Variants in CMSS1 observed in about 807,000 individuals in gnomAD.
CMSS1 encodes the protein protein CMSS1.
A neutral mutation model predicts 43.5 loss-of-function variants in CMSS1; 33 were observed. That is an observed-to-expected ratio of 0.76 (90% CI 0.57 to 1.01). The LOEUF (loss-of-function observed/expected upper bound fraction) is 1.01. Among genes scored for constraint, CMSS1 ranks in the 50% least tolerant of loss-of-function variants. The pLI is 0.00. For synonymous variants in CMSS1, 115 were observed against 117.2 expected, an observed-to-expected ratio of 0.98 and a Z score of 0.12; for missense variants, 313 against 326.4, an observed-to-expected ratio of 0.96 and a Z score of 0.32.
At chr3:99,840,690 G>T (rs1943095651) in intron 1 of CMSS1, among the ~76,000 whole-genome samples, 1 of 152,160 alleles carries the variant, frequency 6.6e-6, no homozygotes, top group South Asian at 2.1e-4. Flanking sequence ...AAGGAGGGTG[G>T]CAAGACTTCA....
intron 1 of CMSS1, among the ~76,000 whole-genome samples, chr3:99,945,407 C>G (rs1365072211): frequency 6.6e-6 from 1 of 152,178 alleles, no homozygotes; most frequent in Non-Finnish European, 1.5e-5. Context: ...GGGGGTTCCA[C>G]CCACTGTGTG....
intron 1 of CMSS1, among the ~76,000 whole-genome samples, chr3:100,076,687 T>G (rs1273447108): frequency 3.3e-5 from 5 of 152,228 alleles, no homozygotes; most frequent in Non-Finnish European, 7.3e-5. Context: ...CAGGGATCCA[T>G]GAATATTGTT....
At chr3:100,104,612 C>T (rs895210828) in intron 1 of CMSS1, among the ~76,000 whole-genome samples, 21 of 152,186 alleles carry the variant, frequency 1.4e-4, no homozygotes, top group African/African-American at 4.3e-4. Context: ...CCAAGGCCTG[C>T]TTTGCATGCC....
intron 1 of CMSS1, among the ~76,000 whole-genome samples, chr3:99,932,745 G>T (rs1268395479): frequency 6.6e-6 from 1 of 152,104 alleles, no homozygotes; most frequent in African/African-American, 2.4e-5. Flanking sequence ...CAAAAAATTA[G>T]CCAGGTGTGG....
chr3:100,055,714 G>A (rs2065453377), intron 1 of CMSS1, among the ~76,000 whole-genome samples: 1 of 152,138 alleles, frequency 6.6e-6, no homozygotes, highest in Non-Finnish European at 1.5e-5. Flanking sequence ...ATTCTTGAGA[G>A]GAGAGTAATT....
chr3:99,830,274 T>C, intron 1 of CMSS1: 2 of 341,630 alleles, frequency 5.9e-6, no homozygotes, highest in Non-Finnish European at 1.2e-5. Flanking sequence ...GTGCTGCTTT[T>C]TGGGGGATGA....
chr3:99,854,083 AC>A (rs1943839757), intron 1 of CMSS1, among the ~76,000 whole-genome samples: 1 of 152,170 alleles, frequency 6.6e-6, no homozygotes, highest in Admixed American at 6.5e-5. Flanking sequence ...TGAATGGTCC[AC>A]CCTAAATCGT....
chr3:99,965,782 G>A (rs1708631876), intron 1 of CMSS1, among the ~76,000 whole-genome samples: 1 of 152,220 alleles, frequency 6.6e-6, no homozygotes, highest in African/African-American at 2.4e-5. Flanking sequence ...ATTAGGGGGA[G>A]GGTGTTAAAT....
At chr3:99,945,253 T>TC (rs1445201224) in intron 1 of CMSS1, among the ~76,000 whole-genome samples, 2 of 152,160 alleles carry the variant, frequency 1.3e-5, no homozygotes, top group Admixed American at 1.3e-4. Context: ...CTTTCCAAAG[T>TC]CCCACTCATC....
rs1185336356 is a variant in CMSS1 at position 100,051,905 on chromosome 3, AAT to A, written c.65-95065_65-95064del. On this transcript the variant is annotated intron_variant, in intron 1 of 9. Transcript: ENST00000421999. ...ATATTTTATATGTCATATATTTATTAATATGTGTTATTAAAATATATGTTTAT... is the reference window on the plus strand; with the variant it reads ...ATATTTTATATGTCATATATTTATTAATGTGTTATTAAAATATATGTTTAT... Among the ~76,000 whole-genome samples the A allele has an allele frequency of 3.9e-4, 58 of 148,618 alleles. 1 individual carries two copies. Among genetic ancestry groups the A allele is most frequent in the Admixed American group, 8.8e-4 (13 of 14,852 alleles).
At chr3:100,108,938 G>T (rs527273529) in intron 1 of CMSS1, among the ~76,000 whole-genome samples, 1 of 151,924 alleles carries the variant, frequency 6.6e-6, no homozygotes, top group South Asian at 2.1e-4. Context: ...GGCCAGTTTC[G>T]CAACATGGCA....
chr3:99,940,456 G>A (rs925956052), intron 1 of CMSS1, among the ~76,000 whole-genome samples: 15 of 152,014 alleles, frequency 9.9e-5, no homozygotes, highest in African/African-American at 2.2e-4. Flanking sequence ...ATTTTTGTCC[G>A]TTTGGACCTT....
chr3:100,180,942 G>C lies in CMSS1; in HGVS notation c.*2554G>C, dbSNP rs1360738323. 6.6e-6 allele frequency: 1 copy of C among 152,272 alleles called. No homozygotes were observed. Among genetic ancestry groups the C allele is most frequent in the Non-Finnish European group, 1.5e-5 (1 of 68,106 alleles). 9.4% of individuals were successfully genotyped at this position (152,272 alleles called of 1,614,324 possible). ...ACAGACTGTACAGGAGGATGGCTGGGGAGGCCTCAGGAAATTTACAATCAT... is the reference window on the plus strand; with the variant it reads ...ACAGACTGTACAGGAGGATGGCTGGCGAGGCCTCAGGAAATTTACAATCAT... On this transcript the variant is annotated 3_prime_UTR_variant, in exon 10 of 10. Transcript: ENST00000421999.
At chr3:100,065,994 C>T (rs1485659228) in intron 1 of CMSS1, among the ~76,000 whole-genome samples, 1 of 152,186 alleles carries the variant, frequency 6.6e-6, no homozygotes, top group East Asian at 1.9e-4. Flanking sequence ...TGCGACCCAG[C>T]AATATGTACT....
In CMSS1 at chr3:99,957,693, C is replaced by CTTTTTTTTTTTTTTTTTTTTTTTT. The variant is rs779350496; in HGVS notation, c.64+139655_64+139678dup. On this transcript the variant is annotated intron_variant, in intron 1 of 9. Coordinates refer to ENST00000421999, the MANE Select transcript of CMSS1 (RefSeq NM_032359.4). ...TTCTCCTTTTCTCTTTTCTTTCTTT[C>CTTTTTTTTTTTTTTTTTTTTTTTT]TTTTTTTTTTTTTTTTTTTTTTTTT... is the stretch of plus-strand genomic sequence containing the variant. Among the ~76,000 whole-genome samples, 103 of 19,904 alleles carry CTTTTTTTTTTTTTTTTTTTTTTTT rather than the reference C, an allele frequency of 5.2e-3. 29 individuals carry two copies. The highest frequency in any genetic ancestry group is 6.0e-3 in the African/African-American group (36 of 5,980). The allele number at this position is 19,904 out of a possible 152,430, so 13.1% of individuals were successfully genotyped here.
intron 1 of CMSS1, among the ~76,000 whole-genome samples, chr3:99,860,305 A>G (rs1316698129): frequency 2.6e-5 from 4 of 152,202 alleles, no homozygotes; most frequent in Non-Finnish European, 5.9e-5. Context: ...TAATCTTACT[A>G]GGCCCCCCAG....
chr3:100,154,935 G>A (rs999221713), intron 2 of CMSS1, among the ~76,000 whole-genome samples: 2 of 152,134 alleles, frequency 1.3e-5, no homozygotes, highest in Non-Finnish European at 2.9e-5. Context: ...TCATGATGCT[G>A]CACTCCAGCC....
rs192663724 is a variant in CMSS1 at position 99,883,131 on chromosome 3, T to A, written c.64+65088T>A. Among the ~76,000 whole-genome samples the A allele has an allele frequency of 4.6e-3, 696 of 152,350 alleles. 2 individuals are homozygous for A. The highest frequency in any genetic ancestry group is 7.0e-3 in the South Asian group (34 of 4,830). ...TTGTGTCTACGCTTAGATTGAATTA[T>A]CTCTCAAAACTTCAGTGTTTTATCT... On this transcript the variant is annotated intron_variant, in intron 1 of 9. Transcript: ENST00000421999.
chr3:100,054,092 A>C (rs1277082577), intron 1 of CMSS1, among the ~76,000 whole-genome samples: 2 of 152,226 alleles, frequency 1.3e-5, no homozygotes, highest in Non-Finnish European at 2.9e-5. Context: ...CTAGTATTGT[A>C]AAAGCTGGCC....
Sources: gnomAD v4.1 joint callset for allele counts (sites outside exome capture counted in the v4.1 genomes callset) on GRCh38, gnomAD v4.1.1 for gene constraint, MANE v1.5 for transcripts, NCBI Gene and HGNC (gene_info 2026-07-23, HGNC 2026-07-21) for gene names.